NTN1: variants seen among roughly 807,000 people sequenced by gnomAD.
NTN1 encodes netrin 1.
Under a neutral mutation model 54.2 loss-of-function variants are expected in NTN1, and 11 were observed. The observed-to-expected ratio is 0.20, with a 90% CI of 0.13 to 0.34. The LOEUF (loss-of-function observed/expected upper bound fraction) is 0.34, where lower values mean the gene tolerates loss of function less well. Among genes scored for constraint, NTN1 ranks in the 10% least tolerant of loss-of-function variants. The pLI is 1.00. For missense variants in NTN1, 740 were observed against 893.1 expected (o/e 0.83, Z 2.18); for synonymous variants, 371 against 382.0 (o/e 0.97, Z 0.33).
intron 2 of NTN1, among the ~76,000 whole-genome samples, chr17:9,062,555 G>GA (rs909933787): frequency 1.3e-5 from 2 of 151,512 alleles, no homozygotes; most frequent in African/African-American, 4.8e-5. Flanking sequence ...TTTAGCTAAG[G>GA]AAAAAAAAGC....
intron 2 of NTN1, among the ~76,000 whole-genome samples, chr17:9,114,496 G>A (rs185867760): frequency 6.0e-5 from 9 of 151,092 alleles, no homozygotes; most frequent in African/African-American, 1.9e-4. Context: ...GCTCACACCT[G>A]TAATCCCACA....
At chr17:9,227,558 C>T (rs926484862) in intron 6 of NTN1, among the ~76,000 whole-genome samples, 5 of 61,490 alleles carry the variant, frequency 8.1e-5, no homozygotes, top group Non-Finnish European at 1.3e-4. Context: ...CACAGGCACA[C>T]ACACTATCAC....
chr17:9,176,872 C>T (rs1232051950), intron 3 of NTN1: 3 of 152,362 alleles, frequency 2.0e-5, no homozygotes, highest in Non-Finnish European at 4.4e-5. Context: ...GTTGTCTTTT[C>T]TGGTCCCTGG....
chr17:9,180,398 G>C (rs9907067), intron 4 of NTN1, among the ~76,000 whole-genome samples: 54,564 of 152,164 alleles, frequency 0.36, 10,203 homozygotes, highest in Middle Eastern at 0.49. Flanking sequence ...TGCTCAGTGA[G>C]TCCACGTGGG....
chr17:9,146,635 T>C (rs2092314241), intron 2 of NTN1, among the ~76,000 whole-genome samples: 1 of 151,972 alleles, frequency 6.6e-6, no homozygotes, highest in Non-Finnish European at 1.5e-5. Flanking sequence ...ACCCTGGGGC[T>C]CCTGGCAGCC....
chr17:9,101,256 T>C (rs1044385806), intron 2 of NTN1, among the ~76,000 whole-genome samples: 1 of 152,230 alleles, frequency 6.6e-6, no homozygotes, highest in Non-Finnish European at 1.5e-5. Context: ...CTGGATTGAA[T>C]TAAATTGGAT....
intron 2 of NTN1, among the ~76,000 whole-genome samples, chr17:9,037,988 C>T (rs2091908297): frequency 6.6e-6 from 1 of 152,146 alleles, no homozygotes; most frequent in African/African-American, 2.4e-5. Flanking sequence ...CACTTTGCTG[C>T]TCACTCAGTC....
chr17:9,148,925 A>T (rs1179662757), intron 2 of NTN1, among the ~76,000 whole-genome samples: 1 of 152,058 alleles, frequency 6.6e-6, no homozygotes, highest in East Asian at 1.9e-4. Context: ...GGAGGGATAC[A>T]GCCCATGGGG....
intron 2 of NTN1, among the ~76,000 whole-genome samples, chr17:9,141,240 C>T (rs1170349777): frequency 1.3e-5 from 2 of 150,118 alleles, no homozygotes; most frequent in Admixed American, 6.7e-5. Context: ...AGGGAGATAG[C>T]GAAGTAAGAG....
At chr17:9,176,841 A>C (rs2092401416) in intron 3 of NTN1, 1 of 152,250 alleles carries the variant, frequency 6.6e-6, no homozygotes, top group African/African-American at 2.4e-5. Context: ...CTCTCCGCAC[A>C]GCCCCCAGCT....
chr17:9,221,159 C>A lies in NTN1; in HGVS notation c.1412-9C>A, dbSNP rs778019922. ...TTTTTGTCTGTGCTCCCCCCCCACC[C>A]CCCTGCAGACTGCGATTCCTACTGC... is the stretch of plus-strand genomic sequence containing the variant. On this transcript the variant is annotated splice_polypyrimidine_tract_variant and intron_variant, in intron 5 of 6. Coordinates refer to ENST00000173229, the MANE Select transcript of NTN1 (RefSeq NM_004822.3). The surrounding 1 kb of genome is among the most constrained non-coding windows in gnomAD (Gnocchi z 4.5). 1.3e-6 allele frequency: 2 copies of A among 1,581,182 alleles called. No individual in the cohort carries two copies. The highest frequency in any genetic ancestry group is 2.2e-5 in the East Asian group (1 of 44,652).
At chr17:9,038,345 A>G (rs1177533373) in intron 2 of NTN1, among the ~76,000 whole-genome samples, 1 of 148,352 alleles carries the variant, frequency 6.7e-6, no homozygotes, top group Non-Finnish European at 1.5e-5. Context: ...CACCTAAGAC[A>G]CTATTTAATT....
chr17:9,203,706 G>A (rs1449600447), intron 5 of NTN1, among the ~76,000 whole-genome samples: 1 of 152,104 alleles, frequency 6.6e-6, no homozygotes, highest in Non-Finnish European at 1.5e-5. Flanking sequence ...GGGAGGATGA[G>A]GCAGGAGAAT....
chr17:9,067,254 A>G lies in NTN1; in HGVS notation c.1018+43863A>G, dbSNP rs964261090. 1.2e-4 allele frequency among the ~76,000 whole-genome samples: 15 copies of G among 130,204 alleles called. 1 individual carries two copies. Among genetic ancestry groups the G allele is most frequent in the Middle Eastern group, 3.6e-3 (1 of 278 alleles). The allele number at this position is 130,204 out of a possible 152,430, so 85.4% of individuals were successfully genotyped here. A position where few individuals can be genotyped will look rare whatever the true frequency, so the allele number is the denominator to read the frequency against. ...TGTACTCCAGCCTGGGCGACAGAGCAAGACCCTGTCTCAAAAAAAAAAAAA... is the reference window on the plus strand; with the variant it reads ...TGTACTCCAGCCTGGGCGACAGAGCGAGACCCTGTCTCAAAAAAAAAAAAA... On this transcript the variant is annotated intron_variant, in intron 2 of 6. Coordinates refer to ENST00000173229, the MANE Select transcript of NTN1 (RefSeq NM_004822.3).
At chr17:9,198,623 G>A (rs569119189) in intron 5 of NTN1, among the ~76,000 whole-genome samples, 2 of 152,290 alleles carry the variant, frequency 1.3e-5, no homozygotes, top group Admixed American at 6.5e-5. Context: ...GTTATTCTCT[G>A]AGGTCCCATG....
chr17:9,225,770 C>T (rs1339261322), intron 6 of NTN1, among the ~76,000 whole-genome samples: 2 of 152,112 alleles, frequency 1.3e-5, no homozygotes, highest in Non-Finnish European at 2.9e-5. Flanking sequence ...AATCCCCGCT[C>T]TCTGACTGAC....
At chr17:9,148,607 A>C (rs1337028576) in intron 2 of NTN1, among the ~76,000 whole-genome samples, 1 of 152,114 alleles carries the variant, frequency 6.6e-6, no homozygotes, top group Non-Finnish European at 1.5e-5. Context: ...TTTATTTGCT[A>C]AACCTGGCAA....
intron 2 of NTN1, among the ~76,000 whole-genome samples, chr17:9,100,836 A>G (rs1007878732): frequency 6.6e-6 from 1 of 151,924 alleles, no homozygotes; most frequent in Non-Finnish European, 1.5e-5. Context: ...ATCTTTCTTC[A>G]TGGGGTTTGC....
chr17:9,153,643 G>T (rs1006691327), intron 2 of NTN1, among the ~76,000 whole-genome samples: 2 of 152,214 alleles, frequency 1.3e-5, no homozygotes, highest in Non-Finnish European at 2.9e-5. Flanking sequence ...AGAGCAGAAT[G>T]CAGCAACGTC....
Sources: allele counts gnomAD v4.1 joint callset (sites outside exome capture counted in the v4.1 genomes callset), GRCh38; gene constraint gnomAD v4.1.1; non-coding constraint Gnocchi (gnomAD v3.1); transcripts MANE v1.5; gene names NCBI Gene and HGNC (gene_info 2026-07-23, HGNC 2026-07-21).